Variants in FNDC3A observed in about 807,000 individuals in gnomAD.
FNDC3A encodes fibronectin type III domain containing 3A.
FNDC3A carries 32 observed loss-of-function variants against 148.9 expected under a neutral mutation model. That is an observed-to-expected ratio of 0.21 (90% CI 0.16 to 0.29). The LOEUF is 0.29. FNDC3A is among the 10% of genes least tolerant of loss of function. The pLI is 1.00. For synonymous variants in FNDC3A, 472 were observed against 473.6 expected (o/e 1.00, Z 0.04); for missense variants, 1,191 against 1,452.8 (o/e 0.82, Z 2.93).
At chr13:48,980,442 C>G (rs905124660) in intron 1 of FNDC3A, among the ~76,000 whole-genome samples, 1 of 152,098 alleles carries the variant, frequency 6.6e-6, no homozygotes, top group Non-Finnish European at 1.5e-5. Context: ...GAAAGAATCA[C>G]TCTGTTATGG....
intron 4 of FNDC3A, among the ~76,000 whole-genome samples, chr13:49,125,735 A>T (rs934609643): frequency 6.6e-6 from 1 of 152,202 alleles, no homozygotes; most frequent in Non-Finnish European, 1.5e-5. Flanking sequence ...GGGGAAAAAA[A>T]CAATAAATAA....
intron 1 of FNDC3A, among the ~76,000 whole-genome samples, chr13:48,985,756 T>C (rs1231599954): frequency 6.6e-6 from 1 of 152,098 alleles, no homozygotes; most frequent in Non-Finnish European, 1.5e-5. Context: ...AGAAAAAGAC[T>C]GGAAGGGTAC....
At chr13:49,143,625 C>A (rs569645377) in intron 7 of FNDC3A, among the ~76,000 whole-genome samples, 30 of 152,104 alleles carry the variant, frequency 2.0e-4, no homozygotes, top group African/African-American at 6.3e-4. Flanking sequence ...TTTCTTTAAA[C>A]CTAAATTTAT....
chr13:49,032,639 G>A (rs1188896929), intron 2 of FNDC3A, among the ~76,000 whole-genome samples: 1 of 152,194 alleles, frequency 6.6e-6, no homozygotes, highest in Non-Finnish European at 1.5e-5. Flanking sequence ...GGGAGGCTGA[G>A]GCAGGAGAAT....
At chr13:49,073,353 C>A (rs1415811922) in intron 2 of FNDC3A, among the ~76,000 whole-genome samples, 1 of 151,938 alleles carries the variant, frequency 6.6e-6, no homozygotes, top group Non-Finnish European at 1.5e-5. Flanking sequence ...TACAAAAGAG[C>A]TGGTAACAAA....
chr13:49,116,896 T>TG (rs1217131950), intron 4 of FNDC3A, among the ~76,000 whole-genome samples: 1 of 151,464 alleles, frequency 6.6e-6, no homozygotes, highest in African/African-American at 2.4e-5. Flanking sequence ...GAAGGACAGG[T>TG]GGGGGTTAGC....
At chr13:49,137,654 A>G (rs1566276218) in intron 6 of FNDC3A, among the ~76,000 whole-genome samples, 1 of 152,224 alleles carries the variant, frequency 6.6e-6, no homozygotes, top group African/African-American at 2.4e-5. Context: ...TTTGAGCACT[A>G]TTATTTGTAT....
chr13:49,193,318 G>T (rs962867732), intron 19 of FNDC3A, among the ~76,000 whole-genome samples: 1 of 152,084 alleles, frequency 6.6e-6, no homozygotes, highest in Non-Finnish European at 1.5e-5. Context: ...TGGAGAGCAG[G>T]GGTATGATCA....
intron 2 of FNDC3A, among the ~76,000 whole-genome samples, chr13:49,019,558 A>G (rs1191248843): frequency 1.3e-5 from 2 of 151,980 alleles, no homozygotes; most frequent in African/African-American, 4.8e-5. Flanking sequence ...GAAATCACCC[A>G]TCTTCTGCGT....
intron 15 of FNDC3A, 152 bp from the exon 16 acceptor site, chr13:49,186,970 A>T: frequency 2.1e-6 from 1 of 478,804 alleles, no homozygotes; most frequent in Non-Finnish European, 3.7e-6. Flanking sequence ...AAAGCAGATG[A>T]CAACAGCATG....
chr13:48,979,053 A>G (rs142382121), intron 1 of FNDC3A, among the ~76,000 whole-genome samples: 98 of 152,008 alleles, frequency 6.4e-4, no homozygotes, highest in African/African-American at 2.0e-3. Context: ...TTTCTGTGTA[A>G]CCTGTGGTCT....
chr13:49,191,320 C>G lies in FNDC3A; in HGVS notation c.2162C>G (p.Thr721Arg). 6.2e-7 allele frequency: 1 copy of G among 1,613,082 alleles called. No individual in the cohort carries two copies. Among genetic ancestry groups the G allele is most frequent in the Non-Finnish European group, 8.5e-7 (1 of 1,179,732 alleles). Residue 721 changes from threonine to arginine, a missense_variant, in exon 19 of 26, where the codon ACA becomes AGA. Coordinates refer to ENST00000492622, the MANE Select transcript of FNDC3A (RefSeq NM_001079673.2). ...EVYQGSEVEC[T>R]VSSLLPGKTY... is the part of the protein sequence containing the mutation. Reference sequence around the variant, plus strand: ...TACCAAGGTTCTGAAGTAGAATGTACAGTGAGCAGCCTTCTTCCTGGAAAG... The same window carrying G: ...TACCAAGGTTCTGAAGTAGAATGTAGAGTGAGCAGCCTTCTTCCTGGAAAG...
intron 10 of FNDC3A, 36 bp downstream of exon 10, chr13:49,168,787 T>C (rs1342603264): frequency 6.3e-7 from 1 of 1,582,968 alleles, no homozygotes; most frequent in East Asian, 2.3e-5. Flanking sequence ...CAACTGGACA[T>C]GTGTTTCTTT....
At chr13:49,053,311 C>CTG (rs1566216911) in intron 2 of FNDC3A, among the ~76,000 whole-genome samples, 1 of 152,234 alleles carries the variant, frequency 6.6e-6, no homozygotes, top group Non-Finnish European at 1.5e-5. Context: ...TCTCCACATA[C>CTG]TGTTCTGTCT....
chr13:49,073,798 A>ATGTATATATATTATATATG lies in FNDC3A; in HGVS notation c.100-1481_100-1463dup, dbSNP rs1178696667. ...ATATATATGTGTATATATTATATAT[A>ATGTATATATATTATATATG]TGTATATATATTATATATGTGTATA... On this transcript the variant is annotated intron_variant, in intron 2 of 25. Transcript: ENST00000492622. 6.5e-4 allele frequency among the ~76,000 whole-genome samples: 95 copies of ATGTATATATATTATATATG among 146,384 alleles called. 12 individuals carry two copies. The highest frequency in any genetic ancestry group is 3.5e-3 in the Admixed American group (50 of 14,434).
At chr13:49,059,017 G>T (rs1876461383) in intron 2 of FNDC3A, among the ~76,000 whole-genome samples, 4 of 152,180 alleles carry the variant, frequency 2.6e-5, no homozygotes, top group Non-Finnish European at 5.9e-5. Flanking sequence ...GGTACAAAGT[G>T]AGCTCAGAAC....
chr13:49,014,527 A>G (rs1222746028), intron 2 of FNDC3A, among the ~76,000 whole-genome samples: 2 of 132,006 alleles, frequency 1.5e-5, no homozygotes, highest in Non-Finnish European at 3.3e-5. Flanking sequence ...GGTTGTGAAA[A>G]TTTTCTCCCA....
Position 49,188,544 on chromosome 13 carries a change from G to A in FNDC3A, c.1855G>A (p.Ala619Thr). 6.2e-7 allele frequency: 1 copy of A among 1,613,464 alleles called. No homozygotes were observed. The highest frequency in any genetic ancestry group is 1.1e-5 in the South Asian group (1 of 91,080). ...GNKWEMIYSGATREHLCDRLN... is the reference protein window; with the variant it reads ...GNKWEMIYSGTTREHLCDRLN... Reference sequence around the variant, plus strand: ...CAAATGGGAAATGATATACAGTGGTGCTACCAGGGAACATCTTTGTGATCG... The same window carrying A: ...CAAATGGGAAATGATATACAGTGGTACTACCAGGGAACATCTTTGTGATCG... Residue 619 changes from alanine to threonine, a missense_variant, in exon 17 of 26, where the codon GCT becomes ACT. Transcript: ENST00000492622.
chr13:48,977,620 G>T (rs1186280547), intron 1 of FNDC3A, among the ~76,000 whole-genome samples: 1 of 152,128 alleles, frequency 6.6e-6, no homozygotes, highest in East Asian at 1.9e-4. Flanking sequence ...ACAGATGGTG[G>T]CCCAACAGAA....
Sources: gnomAD v4.1 joint callset for allele counts (sites outside exome capture counted in the v4.1 genomes callset) on GRCh38, gnomAD v4.1.1 for gene constraint, MANE v1.5 for transcripts, NCBI Gene and HGNC (gene_info 2026-07-23, HGNC 2026-07-21) for gene names.